SULF2: variants seen among roughly 807,000 people sequenced by gnomAD.
The protein encoded by SULF2 is sulfatase 2.
SULF2 carries 52 observed loss-of-function variants against 107.7 expected under a neutral mutation model. The observed-to-expected ratio is 0.48, with a 90% CI of 0.39 to 0.61. The LOEUF (loss-of-function observed/expected upper bound fraction) is 0.61. SULF2 is among the 20% of genes least tolerant of loss of function. The probability of loss-of-function intolerance (pLI) is 0.00; values close to 1 mark genes in which losing one functional copy is unlikely to be tolerated. For synonymous variants in SULF2, 460 were observed against 464.3 expected (o/e 0.99, Z 0.12); for missense variants, 993 against 1,177.3 (o/e 0.84, Z 2.29).
In SULF2 at chr20:47,676,630, G is replaced by A; in HGVS notation, c.1251-7C>T. On this transcript the variant is annotated splice_polypyrimidine_tract_variant and splice_region_variant and intron_variant, in intron 9 of 20. Coordinates refer to ENST00000688720, the MANE Select transcript of SULF2 (RefSeq NM_001387048.1). Reference sequence around the variant, plus strand: ...TCTCTTGTGTAGCAGCTTGCTATGGGGCAGAGAGCAGGAGCCGCGGGGCCG... The same window carrying A: ...TCTCTTGTGTAGCAGCTTGCTATGGAGCAGAGAGCAGGAGCCGCGGGGCCG... 6.5e-7 allele frequency: 1 copy of A among 1,550,030 alleles called. No homozygotes were observed.
At position 47,661,855 on chromosome 20, in the gene SULF2, G is replaced by A; in HGVS notation, c.2412C>T (p.Asn804=). ...AVNTLDRDVL[N]QLHVQLMELR... is the part of the protein sequence containing the mutation. ...GCTCCATGAGCTGTACGTGTAGCTG[G>A]TTGAGGACATCCCTGTCCAGTGTGT... Residue 804 remains asparagine, a synonymous_variant, in exon 18 of 21, where the codon AAC becomes AAT. Transcript: ENST00000688720. 1.9e-6 allele frequency: 3 copies of A among 1,594,510 alleles called. No homozygotes were observed. The highest frequency in any genetic ancestry group is 1.1e-5 in the South Asian group (1 of 88,324).
chr20:47,666,510 CAG>C lies in SULF2; in HGVS notation c.1577-24_1577-23del. The C allele has an allele frequency of 6.3e-7, 1 of 1,595,746 alleles. No homozygotes were observed. The highest frequency in any genetic ancestry group is 8.6e-7 in the Non-Finnish European group (1 of 1,168,096). ...TACTCTGTGGGCATTAGAGGAGTGG[CAG>C]AGTTAGGGAGGCAGGAAAGGCTGGC... On this transcript the variant is annotated intron_variant, in intron 11 of 20. Coordinates refer to ENST00000688720, the MANE Select transcript of SULF2 (RefSeq NM_001387048.1). The surrounding 1 kb of genome is among the most constrained non-coding windows in gnomAD (Gnocchi z 5.4).
chr20:47,759,969 T>C (rs1204847890), intron 1 of SULF2, among the ~76,000 whole-genome samples: 2 of 152,228 alleles, frequency 1.3e-5, no homozygotes, highest in Non-Finnish European at 2.9e-5. Flanking sequence ...TCTCCAGGCC[T>C]TGGCACAAAG....
chr20:47,665,296 G>C lies in SULF2; in HGVS notation c.1903-3C>G. 2 of 1,600,824 alleles carry C rather than the reference G, an allele frequency of 1.2e-6. No individual in the cohort carries two copies. The highest frequency in any genetic ancestry group is 1.7e-6 in the Non-Finnish European group (2 of 1,167,970). On this transcript the variant is annotated splice_region_variant and splice_polypyrimidine_tract_variant and intron_variant, in intron 13 of 20. Coordinates refer to ENST00000688720, the MANE Select transcript of SULF2 (RefSeq NM_001387048.1). ...ATTTTGTTCTGCAGGGTTTCAATCT[G>C]AGGGAGGGGCAGAAGAGGAGGCCTT...
chr20:47,709,359 C>G (rs1010189642), intron 3 of SULF2, among the ~76,000 whole-genome samples: 2 of 152,166 alleles, frequency 1.3e-5, no homozygotes, highest in African/African-American at 4.8e-5. Context: ...TGGCGACTGC[C>G]CCTGGGCAGC....
intron 11 of SULF2, among the ~76,000 whole-genome samples, chr20:47,669,548 C>T (rs940245038): frequency 2.0e-5 from 3 of 152,240 alleles, no homozygotes; most frequent in African/African-American, 7.2e-5. Flanking sequence ...GTTCAGCCTG[C>T]TCTAGGCTGA....
At chr20:47,737,046 T>TGCCCCTAGG in intron 2 of SULF2, 104 bp from the exon 3 acceptor site, 1 of 1,532,860 alleles carries the variant, frequency 6.5e-7, no homozygotes, top group Non-Finnish European at 8.9e-7. Context: ...AGTGGGCACA[T>TGCCCCTAGG]TCTGCAGACC....
intron 3 of SULF2, among the ~76,000 whole-genome samples, chr20:47,723,044 G>A (rs2089337470): frequency 6.6e-6 from 1 of 152,052 alleles, no homozygotes; most frequent in South Asian, 2.1e-4. Flanking sequence ...TCCAGGCTGG[G>A]CGACAGAGCA....
At chr20:47,702,757 C>T in intron 3 of SULF2, 87 bp from the exon 4 acceptor site, 3 of 1,296,526 alleles carry the variant, frequency 2.3e-6, no homozygotes, top group Non-Finnish European at 3.2e-6. Context: ...CCTGAGCATG[C>T]ACACCTGCTC....
At chr20:47,731,241 A>G (rs906380557) in intron 3 of SULF2, among the ~76,000 whole-genome samples, 14 of 125,620 alleles carry the variant, frequency 1.1e-4, no homozygotes, top group African/African-American at 4.5e-4. Flanking sequence ...CACCCAGGCT[A>G]GAGTGCAGTG....
At chr20:47,698,857 C>G (rs2088471665) in intron 4 of SULF2, among the ~76,000 whole-genome samples, 1 of 152,064 alleles carries the variant, frequency 6.6e-6, no homozygotes, top group Non-Finnish European at 1.5e-5. Flanking sequence ...CACGGAGAAA[C>G]CCCATCTCTA....
At chr20:47,768,574 C>T (rs896937177) in intron 1 of SULF2, among the ~76,000 whole-genome samples, 1 of 152,258 alleles carries the variant, frequency 6.6e-6, no homozygotes, top group Non-Finnish European at 1.5e-5. Context: ...TACCAGCCCA[C>T]GCTAGGCCTC....
At chr20:47,764,756 G>A (rs1011806570) in intron 1 of SULF2, among the ~76,000 whole-genome samples, 2 of 152,198 alleles carry the variant, frequency 1.3e-5, no homozygotes, top group African/African-American at 4.8e-5. Flanking sequence ...CTGCTTAAGA[G>A]AGTCCGAATT....
intron 17 of SULF2, among the ~76,000 whole-genome samples, chr20:47,662,809 G>A (rs558471728): frequency 8.0e-6 from 1 of 125,108 alleles, no homozygotes; most frequent in African/African-American, 2.5e-5. Flanking sequence ...CTGGTTGCAT[G>A]CTGCATGTTA....
rs1374157026 is a variant in SULF2, at chr20:47,721,542, A to AT, written c.415+15160dup. Among the ~76,000 whole-genome samples the AT allele has an allele frequency of 6.6e-5, 10 of 151,868 alleles. 1 individual carries two copies. The highest frequency in any genetic ancestry group is 6.2e-4 in the South Asian group (3 of 4,826). On this transcript the variant is annotated intron_variant, in intron 3 of 20. Coordinates refer to ENST00000688720, the MANE Select transcript of SULF2 (RefSeq NM_001387048.1). ...CGCTACCACGCCTGGCTAATTTTGT[A>AT]TTTTTTTAGTAGAGACGGGGTTTCA...
chr20:47,695,471 A>G (rs2146563374), intron 4 of SULF2, among the ~76,000 whole-genome samples: 1 of 152,066 alleles, frequency 6.6e-6, no homozygotes, highest in East Asian at 1.9e-4. Flanking sequence ...GCCAACCACC[A>G]TTCTCCTTTT....
At chr20:47,755,110 C>T (rs991827026) in intron 2 of SULF2, among the ~76,000 whole-genome samples, 4 of 152,210 alleles carry the variant, frequency 2.6e-5, no homozygotes, top group South Asian at 2.1e-4. Context: ...GGATTACAGG[C>T]GTGAGCCACT....
At chr20:47,769,357 GTA>G (rs1186313370) in intron 1 of SULF2, among the ~76,000 whole-genome samples, 2 of 123,856 alleles carry the variant, frequency 1.6e-5, no homozygotes, top group Non-Finnish European at 3.4e-5. Flanking sequence ...CCTAATTTTT[GTA>G]TTTTTTTTTT....
intron 3 of SULF2, among the ~76,000 whole-genome samples, chr20:47,713,085 T>C (rs552006223): frequency 5.3e-5 from 8 of 152,038 alleles, no homozygotes; most frequent in African/African-American, 1.9e-4. Context: ...GGATTTCTAT[T>C]ATAGTGTCTG....
Sources: gnomAD v4.1 joint callset for allele counts (sites outside exome capture counted in the v4.1 genomes callset) on GRCh38, gnomAD v4.1.1 for gene constraint, Gnocchi (gnomAD v3.1) non-coding constraint, MANE v1.5 for transcripts, NCBI Gene and HGNC (gene_info 2026-07-23, HGNC 2026-07-21) for gene names.